Variants in LTA4H observed in about 807,000 individuals in gnomAD.
LTA4H encodes the protein leukotriene A-4 hydrolase.
Under a neutral mutation model 89.8 loss-of-function variants are expected in LTA4H, and 59 were observed. The ratio of observed to expected loss-of-function variants is 0.66; its 90% confidence interval spans 0.53 to 0.82. The LOEUF is 0.82. Ranked by LOEUF, LTA4H falls within the 40% of genes least tolerant of loss-of-function variation. LTA4H has a pLI of 0.00. For synonymous variants in LTA4H, 227 were observed against 253.1 expected (o/e 0.90, Z 0.98); for missense variants, 617 against 727.0 (o/e 0.85, Z 1.74).
Position 96,019,148 on chromosome 12 carries a change from A to C in LTA4H, c.711+20T>G, listed in dbSNP as rs1384848063. The C allele has an allele frequency of 5.3e-5, 84 of 1,598,672 alleles. No homozygotes were observed. Among genetic ancestry groups the C allele is most frequent in the Non-Finnish European group, 6.9e-5 (81 of 1,172,110 alleles). ...CTACTGTCTATCACAATGATTACAA[A>C]GGATAACTAAATGACCAACCTCAGA... On this transcript the variant is annotated intron_variant, in intron 7 of 18. Transcript: ENST00000228740.
chr12:96,041,907 C>T (rs1950689513), intron 1 of LTA4H, among the ~76,000 whole-genome samples: 1 of 152,052 alleles, frequency 6.6e-6, no homozygotes, highest in Non-Finnish European at 1.5e-5. Context: ...TCCCAAAGTG[C>T]TGGGATTACA....
intron 14 of LTA4H, 122 bp downstream of exon 14, chr12:96,013,066 G>A (rs774965602): frequency 2.7e-6 from 2 of 746,690 alleles, no homozygotes; most frequent in Non-Finnish European, 4.6e-6. Flanking sequence ...AAACACCTAA[G>A]AACTCTGCTT....
chr12:96,020,866 T>G (rs1950444391), intron 6 of LTA4H: 2 of 468,464 alleles, frequency 4.3e-6, no homozygotes, highest in Middle Eastern at 3.0e-4. Flanking sequence ...GGTAAGAGCA[T>G]GCTCATTTTA....
chr12:96,003,823 G>A lies in LTA4H; in HGVS notation c.1613+15C>T. On this transcript the variant is annotated intron_variant, in intron 17 of 18. Coordinates refer to ENST00000228740, the MANE Select transcript of LTA4H (RefSeq NM_000895.3). ...TTTCTGCTTTCTTCCACAGAGACAA[G>A]TTAAAATGATGTACCTGAATCGTAT... is the stretch of plus-strand genomic sequence containing the variant. The A allele has an allele frequency of 6.3e-7, 1 of 1,584,538 alleles. No individual in the cohort carries two copies. The highest frequency in any genetic ancestry group is 8.6e-7 in the Non-Finnish European group (1 of 1,156,834).
At chr12:96,002,618 T>C (rs116469412) in intron 18 of LTA4H, among the ~76,000 whole-genome samples, 2 of 152,326 alleles carry the variant, frequency 1.3e-5, no homozygotes, top group African/African-American at 4.8e-5. Context: ...TCTCCTTACA[T>C]TTAACTTCAG....
At position 96,006,676 on chromosome 12, in the gene LTA4H, A is replaced by G. The variant is rs375217845; in HGVS notation, c.1435-267T>C. On this transcript the variant is annotated intron_variant, in intron 15 of 18. Coordinates refer to ENST00000228740, the MANE Select transcript of LTA4H (RefSeq NM_000895.3). ...GGAAGAAACTGTTGACATTCATTGTACCATTCGAGGTATAGAAATTTCCAA... is the reference window on the plus strand; with the variant it reads ...GGAAGAAACTGTTGACATTCATTGTGCCATTCGAGGTATAGAAATTTCCAA... 2.0e-3 allele frequency among the ~76,000 whole-genome samples: 298 copies of G among 152,338 alleles called. 15 individuals carry two copies. The South Asian group carries it at 0.06, about 31-fold the overall frequency.
chr12:96,005,913 A>G (rs1950190907), intron 16 of LTA4H, among the ~76,000 whole-genome samples: 1 of 152,034 alleles, frequency 6.6e-6, no homozygotes, highest in African/African-American at 2.4e-5. Context: ...ATGCCCGGCT[A>G]ATTTTTATAT....
intron 15 of LTA4H, among the ~76,000 whole-genome samples, chr12:96,007,351 A>G (rs1199146021): frequency 6.6e-6 from 1 of 152,208 alleles, no homozygotes; most frequent in Admixed American, 6.5e-5. Context: ...TTAATTAAGG[A>G]TATATTTATG....
upstream of LTA4H, chr12:96,035,759 G>A: frequency 5.4e-6 from 5 of 933,044 alleles, no homozygotes; most frequent in South Asian, 2.2e-5. Flanking sequence ...GTGTGTGTTA[G>A]GGATGTTGAG....
intron 1 of LTA4H, among the ~76,000 whole-genome samples, chr12:96,041,377 G>A (rs921407296): frequency 1.3e-5 from 2 of 151,976 alleles, no homozygotes; most frequent in Non-Finnish European, 2.9e-5. Context: ...GGTGCTCTTC[G>A]AGACCATGTT....
intron 15 of LTA4H, among the ~76,000 whole-genome samples, chr12:96,008,350 C>T (rs1468017146): frequency 6.6e-6 from 1 of 152,248 alleles, no homozygotes; most frequent in Non-Finnish European, 1.5e-5. Context: ...TATGAAGAAG[C>T]TCCTCTTTAA....
Position 96,021,666 on chromosome 12 carries a change from A to AACAC in LTA4H, c.585+477_585+480dup, listed in dbSNP as rs60322768. Among the ~76,000 whole-genome samples the AACAC allele has an allele frequency of 1.5e-3, 225 of 147,242 alleles. 1 individual carries two copies. Among genetic ancestry groups the AACAC allele is most frequent in the Middle Eastern group, 0.01 (3 of 290 alleles). ...TATCCATTGTGAGGTCAATTAAGAA[A>AACAC]ACACACACACACACACACACACACA... is the stretch of plus-strand genomic sequence containing the variant. On this transcript the variant is annotated intron_variant, in intron 5 of 18. Coordinates refer to ENST00000228740, the MANE Select transcript of LTA4H (RefSeq NM_000895.3).
At chr12:96,023,745 T>C (rs2136904622) in intron 4 of LTA4H, among the ~76,000 whole-genome samples, 1 of 152,354 alleles carries the variant, frequency 6.6e-6, no homozygotes, top group African/African-American at 2.4e-5. Context: ...AGGGAATAAG[T>C]TGGAATTGCA....
At chr12:96,019,048 A>G in intron 7 of LTA4H, 120 bp downstream of exon 7, 1 of 1,156,218 alleles carries the variant, frequency 8.6e-7, no homozygotes, top group Non-Finnish European at 1.2e-6. Context: ...GCAACTACAC[A>G]TCTACATAAA....
chr12:96,035,647 G>A, upstream of LTA4H: 3 of 1,433,926 alleles, frequency 2.1e-6, no homozygotes, highest in Non-Finnish European at 2.8e-6. Flanking sequence ...TGCACGCCGG[G>A]AAAGGAAGTT....
chr12:96,009,201 G>T, intron 14 of LTA4H, 53 bp from the exon 15 acceptor site: 1 of 1,300,658 alleles, frequency 7.7e-7, no homozygotes, highest in Non-Finnish European at 1.1e-6. Flanking sequence ...TTGCAGAAAT[G>T]CAGTTTTAAA....
Position 96,013,173 on chromosome 12 carries a change from C to CATT in LTA4H, c.1379+14_1379+15insAAT. The CATT allele has an allele frequency of 1.2e-5, 19 of 1,603,216 alleles. No homozygotes were observed. Among genetic ancestry groups the CATT allele is most frequent in the Non-Finnish European group, 1.6e-5 (19 of 1,170,270 alleles). ...AGGAGAATGAGAAGGAAAGCATTAG[C>CATT]AGGCAAGTACTTACTTGGGCTTTAT... On this transcript the variant is annotated intron_variant, in intron 14 of 18. Coordinates refer to ENST00000228740, the MANE Select transcript of LTA4H (RefSeq NM_000895.3).
At chr12:96,034,507 C>T (rs1950613554) in intron 1 of LTA4H, among the ~76,000 whole-genome samples, 1 of 152,158 alleles carries the variant, frequency 6.6e-6, no homozygotes, top group South Asian at 2.1e-4. Flanking sequence ...TACTTGGCTC[C>T]TTGGAACCAA....
intron 5 of LTA4H, 65 bp from the exon 6 acceptor site, chr12:96,021,202 G>T: frequency 1.6e-6 from 2 of 1,214,328 alleles, no homozygotes; most frequent in South Asian, 1.6e-5. Context: ...TACACAGTAA[G>T]ACAATTCATA....
Sources: gnomAD v4.1 joint callset for allele counts (sites outside exome capture counted in the v4.1 genomes callset) on GRCh38, gnomAD v4.1.1 for gene constraint, MANE v1.5 for transcripts, NCBI Gene and HGNC (gene_info 2026-07-23, HGNC 2026-07-21) for gene names.